The following SMARCC1 variants were observed in gnomAD, a reference collection of about 807,000 sequenced individuals.
SMARCC1 encodes the protein SWI/SNF related BAF chromatin remodeling complex subunit C1, also known as SWI/SNF complex subunit SMARCC1.
A neutral mutation model predicts 147.4 loss-of-function variants in SMARCC1; 43 were observed. The observed-to-expected ratio is 0.29, with a 90% CI of 0.23 to 0.38. The LOEUF (loss-of-function observed/expected upper bound fraction) is 0.38, where lower values mean the gene tolerates loss of function less well. SMARCC1 is among the 10% of genes least tolerant of loss of function. The pLI, the probability that SMARCC1 is intolerant of heterozygous loss-of-function variation, is 1.00. For synonymous variants in SMARCC1, 495 were observed against 484.4 expected, an observed-to-expected ratio of 1.02 and a Z score of -0.29; for missense variants, 1,119 against 1,381.1, an observed-to-expected ratio of 0.81 and a Z score of 3.01.
At chr3:47,677,593 G>A (rs374589733) in intron 16 of SMARCC1, among the ~76,000 whole-genome samples, 4 of 150,296 alleles carry the variant, frequency 2.7e-5, no homozygotes, top group Non-Finnish European at 5.9e-5. Flanking sequence ...GCTCTGTTGC[G>A]CAGGCTGGAA....
intron 26 of SMARCC1, among the ~76,000 whole-genome samples, chr3:47,599,933 C>T (rs1173663149): frequency 6.6e-6 from 1 of 152,138 alleles, no homozygotes; most frequent in East Asian, 1.9e-4. Flanking sequence ...TGCTCTTAGG[C>T]CCAGTAGTAC....
At chr3:47,731,594 T>C (rs1221906232) in intron 5 of SMARCC1, among the ~76,000 whole-genome samples, 3 of 152,214 alleles carry the variant, frequency 2.0e-5, no homozygotes, top group Admixed American at 6.5e-5. Flanking sequence ...TAACAAGACT[T>C]GAAAGTCAAA....
intron 2 of SMARCC1, among the ~76,000 whole-genome samples, chr3:47,759,077 A>G (rs1559665113): frequency 1.3e-5 from 2 of 151,714 alleles, no homozygotes; most frequent in African/African-American, 4.8e-5. Flanking sequence ...CAGAGGTGCA[A>G]TCTCAGCTCA....
At chr3:47,653,525 A>C (rs2033220739) in intron 21 of SMARCC1, among the ~76,000 whole-genome samples, 1 of 152,238 alleles carries the variant, frequency 6.6e-6, no homozygotes, top group African/African-American at 2.4e-5. Flanking sequence ...ACTCGGTTTC[A>C]AATCAGTGTG....
intron 21 of SMARCC1, among the ~76,000 whole-genome samples, chr3:47,657,832 A>G (rs2033284460): frequency 6.6e-6 from 1 of 152,044 alleles, no homozygotes; most frequent in African/African-American, 2.4e-5. Flanking sequence ...AAGAAATTAC[A>G]AAGTACTTGA....
intron 26 of SMARCC1, among the ~76,000 whole-genome samples, chr3:47,595,311 G>C (rs1479844676): frequency 6.6e-6 from 1 of 152,158 alleles, no homozygotes; most frequent in Admixed American, 6.5e-5. Flanking sequence ...GATCACCTGA[G>C]GTCAGGAGTT....
At chr3:47,667,775 G>T (rs955854701) in intron 19 of SMARCC1, among the ~76,000 whole-genome samples, 1 of 152,150 alleles carries the variant, frequency 6.6e-6, no homozygotes, top group African/African-American at 2.4e-5. Context: ...TACTCGGGAG[G>T]CTGAGGCAGA....
intron 26 of SMARCC1, among the ~76,000 whole-genome samples, chr3:47,600,162 A>G (rs1272493598): frequency 6.6e-6 from 1 of 152,234 alleles, no homozygotes; most frequent in Non-Finnish European, 1.5e-5. Context: ...ACTGGGATAC[A>G]GGTGTTCTGA....
In SMARCC1 at chr3:47,714,613, T is replaced by C. The variant is rs1364964198; in HGVS notation, c.717-123A>G. 12 of 596,032 alleles carry C rather than the reference T, an allele frequency of 2.0e-5. No homozygotes were observed. In the Admixed American group the frequency reaches 2.3e-4, roughly 12 times the overall value. The allele number at this position is 596,032 out of a possible 1,614,324, so 36.9% of individuals were successfully genotyped here. A position where few individuals can be genotyped will look rare whatever the true frequency, so the allele number is the denominator to read the frequency against. On this transcript the variant is annotated intron_variant, in intron 7 of 27. Coordinates refer to ENST00000254480, the MANE Select transcript of SMARCC1 (RefSeq NM_003074.4). ...TAAAATCCCAGCCTGGTCAACATGG[T>C]GAAACTGCGTCTCTACCAAAAAATA...
At chr3:47,658,836 A>G (rs2033297684) in intron 21 of SMARCC1, among the ~76,000 whole-genome samples, 1 of 152,166 alleles carries the variant, frequency 6.6e-6, no homozygotes, top group Non-Finnish European at 1.5e-5. Flanking sequence ...AGACAGAATG[A>G]GGGCTAGGCA....
At chr3:47,711,404 A>T (rs71328944) in intron 8 of SMARCC1, among the ~76,000 whole-genome samples, 1 of 152,216 alleles carries the variant, frequency 6.6e-6, no homozygotes, top group African/African-American at 2.4e-5. Flanking sequence ...ATAGATAGAT[A>T]CTTAAACCAC....
At chr3:47,621,638 A>G (rs1219781879) in intron 25 of SMARCC1, among the ~76,000 whole-genome samples, 3 of 152,156 alleles carry the variant, frequency 2.0e-5, no homozygotes, top group Non-Finnish European at 4.4e-5. Context: ...AACAATAGAC[A>G]CTGGTGACTC....
At chr3:47,647,654 A>G (rs924157395) in intron 21 of SMARCC1, among the ~76,000 whole-genome samples, 2 of 152,204 alleles carry the variant, frequency 1.3e-5, no homozygotes, top group Admixed American at 6.5e-5. Context: ...TTAGTCTCAG[A>G]GATTTCTGTC....
At chr3:47,605,247 G>A (rs1163849518) in intron 26 of SMARCC1, among the ~76,000 whole-genome samples, 3 of 151,982 alleles carry the variant, frequency 2.0e-5, no homozygotes, top group Non-Finnish European at 4.4e-5. Context: ...TACACCTTAG[G>A]GATATATACA....
chr3:47,663,193 A>G (rs183606256), intron 19 of SMARCC1, among the ~76,000 whole-genome samples: 4 of 22,714 alleles, frequency 1.8e-4, no homozygotes, highest in African/African-American at 5.3e-4. Context: ...AGGGGAGGGG[A>G]GGGGTGGGGA....
chr3:47,701,156 G>A (rs2033912364), intron 11 of SMARCC1, 122 bp downstream of exon 11: 2 of 706,336 alleles, frequency 2.8e-6, no homozygotes, highest in African/African-American at 1.8e-5. Context: ...TCCATAAAAG[G>A]GACAATCTAT....
At chr3:47,771,815 C>T (rs2034917478) in intron 2 of SMARCC1, among the ~76,000 whole-genome samples, 2 of 152,042 alleles carry the variant, frequency 1.3e-5, no homozygotes, top group South Asian at 4.2e-4. Context: ...GGTGTGGTGG[C>T]TCACACCTGT....
chr3:47,670,632 C>A (rs1488178224), intron 19 of SMARCC1, 26 bp downstream of exon 19: 1 of 1,348,720 alleles, frequency 7.4e-7, no homozygotes, highest in Non-Finnish European at 1.1e-6. Context: ...TCTTAGCACA[C>A]ATCCCATATG....
intron 1 of SMARCC1, among the ~76,000 whole-genome samples, chr3:47,776,535 C>CA (rs2034977284): frequency 6.6e-6 from 1 of 151,996 alleles, no homozygotes; most frequent in Admixed American, 6.6e-5. Context: ...ACCCAGGAGA[C>CA]AGAGGTTGCA....
Sources: allele counts gnomAD v4.1 joint callset (sites outside exome capture counted in the v4.1 genomes callset), GRCh38; gene constraint gnomAD v4.1.1; transcripts MANE v1.5; gene names NCBI Gene and HGNC (gene_info 2026-07-23, HGNC 2026-07-21).